The following NETO2 variants were observed in gnomAD, a reference collection of about 807,000 sequenced individuals.
The protein encoded by NETO2 is neuropilin and tolloid like 2, also known as neuropilin and tolloid-like protein 2.
NETO2 carries 28 observed loss-of-function variants against 62.5 expected under a neutral mutation model. The ratio of observed to expected loss-of-function variants is 0.45; its 90% CI spans 0.33 to 0.61. NETO2 has a LOEUF of 0.61. NETO2 is among the 20% of genes least tolerant of loss of function. The pLI is 0.02. For missense variants in NETO2, 548 were observed against 643.2 expected, an observed-to-expected ratio of 0.85 and a Z score of 1.60; for synonymous variants, 214 against 219.1, an observed-to-expected ratio of 0.98 and a Z score of 0.21.
chr16:47,116,563 G>A (rs972141740), intron 6 of NETO2, among the ~76,000 whole-genome samples: 1 of 151,874 alleles, frequency 6.6e-6, no homozygotes, highest in South Asian at 2.1e-4. Context: ...TTTTCTTGAC[G>A]AATACTGATC....
chr16:47,136,917 CACAT>C (rs1964371107), intron 1 of NETO2, among the ~76,000 whole-genome samples: 2 of 151,638 alleles, frequency 1.3e-5, no homozygotes, highest in Admixed American at 1.3e-4. Flanking sequence ...TAACGACAGA[CACAT>C]AAATAAAAAC....
rs567915512 is a variant in NETO2, at chr16:47,082,756, A to C, written c.*465T>G. ...GTACATTAACCACTTGTACTTATGTAAGAAAATGAAATGGTAAAACGATAG... is the reference window on the plus strand; with the variant it reads ...GTACATTAACCACTTGTACTTATGTCAGAAAATGAAATGGTAAAACGATAG... On this transcript the variant is annotated 3_prime_UTR_variant, in exon 9 of 9. Coordinates refer to ENST00000562435, the MANE Select transcript of NETO2 (RefSeq NM_018092.5). 8.9e-4 allele frequency: 138 copies of C among 154,688 alleles called. 1 individual carries two copies. The highest frequency in any genetic ancestry group is 1.5e-3 in the Non-Finnish European group (102 of 69,774). 9.6% of individuals were successfully genotyped at this position (154,688 alleles called of 1,614,324 possible).
chr16:47,127,686 C>G (rs529894588), intron 4 of NETO2, among the ~76,000 whole-genome samples: 185 of 152,278 alleles, frequency 1.2e-3, no homozygotes, highest in African/African-American at 4.4e-3. Flanking sequence ...TCCCCAACGG[C>G]AAGAAAATCA....
chr16:47,109,387 C>A, intron 7 of NETO2, 96 bp downstream of exon 7: 1 of 665,480 alleles, frequency 1.5e-6, no homozygotes, highest in African/African-American at 1.8e-5. Context: ...AAAAAACATC[C>A]TAAAATAAAT....
At chr16:47,122,999 C>A in intron 4 of NETO2, 87 bp from the exon 5 acceptor site, 1 of 1,288,290 alleles carries the variant, frequency 7.8e-7, no homozygotes, top group Non-Finnish European at 1.1e-6. Flanking sequence ...CGTTCCATTT[C>A]ATAGCAAGGT....
At position 47,128,308 on chromosome 16, in the gene NETO2, G is replaced by T. The variant is rs1200097472; in HGVS notation, c.481+17C>A. On this transcript the variant is annotated intron_variant, in intron 4 of 8. Transcript: ENST00000562435. ...GAGTGAGATGCCCAACCACTTAAAA[G>T]ATAACTTATTCTTTACCTGGAATAA... is the stretch of plus-strand genomic sequence containing the variant. 6.2e-7 allele frequency: 1 copy of T among 1,607,600 alleles called. No homozygotes were observed. The highest frequency in any genetic ancestry group is 2.2e-5 in the East Asian group (1 of 44,792).
chr16:47,087,378 A>G (rs1963216450), intron 7 of NETO2, among the ~76,000 whole-genome samples: 1 of 152,182 alleles, frequency 6.6e-6, no homozygotes, highest in Admixed American at 6.5e-5. Context: ...CCACTTATTG[A>G]GGTGCCTAGA....
intron 7 of NETO2, among the ~76,000 whole-genome samples, chr16:47,101,509 A>T (rs558136497): frequency 6.6e-6 from 1 of 152,256 alleles, no homozygotes; most frequent in African/African-American, 2.4e-5. Context: ...CTGTTTGCAG[A>T]TGACATGATT....
chr16:47,113,782 AG>A (rs1963852465), intron 6 of NETO2, among the ~76,000 whole-genome samples: 1 of 151,622 alleles, frequency 6.6e-6, no homozygotes, highest in South Asian at 2.1e-4. Context: ...CAGTAGAGAC[AG>A]GGTTTCACCA....
At chr16:47,132,876 G>T (rs1287302202) in intron 1 of NETO2, among the ~76,000 whole-genome samples, 2 of 152,148 alleles carry the variant, frequency 1.3e-5, no homozygotes, top group Non-Finnish European at 2.9e-5. Flanking sequence ...ATGAATCTAG[G>T]CTAGGGTTCA....
chr16:47,098,848 C>T (rs893552306), intron 7 of NETO2, among the ~76,000 whole-genome samples: 13 of 152,164 alleles, frequency 8.5e-5, no homozygotes, highest in Admixed American at 6.5e-4. Context: ...ACCCTACAAG[C>T]CACAAGAGAG....
chr16:47,120,675 C>G (rs1964018754), intron 6 of NETO2, among the ~76,000 whole-genome samples: 1 of 152,212 alleles, frequency 6.6e-6, no homozygotes, highest in Non-Finnish European at 1.5e-5. Flanking sequence ...ACAATGAACA[C>G]TCTTAACACT....
At chr16:47,098,554 GGT>G (rs775532731) in intron 7 of NETO2, among the ~76,000 whole-genome samples, 1 of 152,174 alleles carries the variant, frequency 6.6e-6, no homozygotes, top group Non-Finnish European at 1.5e-5. Flanking sequence ...ACGTTTGACT[GGT>G]GTACCTGAAA....
chr16:47,119,194 C>G (rs1264201088), intron 6 of NETO2, among the ~76,000 whole-genome samples: 2 of 150,796 alleles, frequency 1.3e-5, no homozygotes, highest in Non-Finnish European at 3.0e-5. Flanking sequence ...CACTGTTGCC[C>G]AGGCTGGAGT....
intron 6 of NETO2, among the ~76,000 whole-genome samples, chr16:47,116,635 T>TA (rs1314886432): frequency 2.0e-5 from 3 of 152,194 alleles, no homozygotes; most frequent in Non-Finnish European, 4.4e-5. Flanking sequence ...TCTTACAAAG[T>TA]AAGTTTAGAA....
rs748318682 is a variant in NETO2 at position 47,122,774 on chromosome 16, G to A, written c.537C>T (p.Phe179=). ...CTATTCCATCAGCTCCCGAGAGCTCGAACTGACAATCTGGAAGGAATACAT... is the reference window on the plus strand; with the variant it reads ...CTATTCCATCAGCTCCCGAGAGCTCAAACTGACAATCTGGAAGGAATACAT... ...GILNPIPDCQ[F]ELSGADGIVR... The change falls in exon 6 of 9, where the codon TTC becomes TTT. Residue 179 remains phenylalanine, a synonymous_variant. Coordinates refer to ENST00000562435, the MANE Select transcript of NETO2 (RefSeq NM_018092.5). The A allele has an allele frequency of 1.9e-5, 30 of 1,613,834 alleles. No individual in the cohort carries two copies. In the South Asian group the frequency reaches 2.2e-4, roughly 12 times the overall value.
chr16:47,140,626 A>G (rs1386574419), intron 1 of NETO2, among the ~76,000 whole-genome samples: 3 of 152,128 alleles, frequency 2.0e-5, no homozygotes, highest in African/African-American at 7.2e-5. Context: ...TTCAATTGAC[A>G]GTGTTAAAAC....
At chr16:47,115,770 C>G (rs965665283) in intron 6 of NETO2, among the ~76,000 whole-genome samples, 3 of 135,416 alleles carry the variant, frequency 2.2e-5, no homozygotes, top group Non-Finnish European at 4.6e-5. Context: ...TGGGTTTCGT[C>G]AGGTTGCCCA....
chr16:47,131,905 T>C (rs1328640684), intron 2 of NETO2, 64 bp downstream of exon 2: 4 of 1,357,970 alleles, frequency 2.9e-6, no homozygotes, highest in African/African-American at 2.9e-5. Context: ...AAAGTTGCAA[T>C]CCTTTCAAAT....
Sources: allele counts gnomAD v4.1 joint callset (sites outside exome capture counted in the v4.1 genomes callset), GRCh38; gene constraint gnomAD v4.1.1; transcripts MANE v1.5; gene names NCBI Gene and HGNC (gene_info 2026-07-23, HGNC 2026-07-21).